The following TGFBR3 variants were observed in gnomAD, a reference collection of about 807,000 sequenced individuals.
The protein encoded by TGFBR3 is transforming growth factor beta receptor type 3.
Under a neutral mutation model 87.9 loss-of-function variants are expected in TGFBR3, and 46 were observed. The ratio of observed to expected loss-of-function variants is 0.52; its 90% confidence interval spans 0.41 to 0.67. The LOEUF (loss-of-function observed/expected upper bound fraction) is 0.67. Ranked by LOEUF, TGFBR3 falls within the 30% of genes least tolerant of loss-of-function variation. TGFBR3 has a pLI of 0.00. For missense variants in TGFBR3, 866 were observed against 1,041.9 expected (o/e 0.83, Z 2.32); for synonymous variants, 381 against 391.6 (o/e 0.97, Z 0.32).
chr1:91,681,152 C>T lies in TGFBR3; in HGVS notation c.*2587G>A, dbSNP rs1446178489. ...TACTTTTAAAGAAACTTGTAGTACA[C>T]GTTATAAAAGTAGAGCTTGTACTTT... is the stretch of plus-strand genomic sequence containing the variant. On this transcript the variant is annotated 3_prime_UTR_variant, in exon 17 of 17. Transcript: ENST00000212355. 8.8e-6 allele frequency: 4 copies of T among 453,922 alleles called. No homozygotes were observed. The highest frequency in any genetic ancestry group is 2.0e-5 in the African/African-American group (1 of 49,992). 28.1% of individuals were successfully genotyped at this position (453,922 alleles called of 1,614,324 possible). A position where few individuals can be genotyped will look rare whatever the true frequency, so the allele number is the denominator to read the frequency against.
At chr1:91,707,879 G>A (rs1429184786) in intron 14 of TGFBR3, among the ~76,000 whole-genome samples, 3 of 152,172 alleles carry the variant, frequency 2.0e-5, no homozygotes, top group African/African-American at 7.2e-5. Context: ...GAGCTGTGAT[G>A]CGGGTCCTTG....
At chr1:91,849,229 T>C (rs774721419) in intron 2 of TGFBR3, among the ~76,000 whole-genome samples, 17 of 152,154 alleles carry the variant, frequency 1.1e-4, no homozygotes, top group Non-Finnish European at 2.2e-4. Context: ...TCAGATCATA[T>C]CATTCTTCTG....
chr1:91,774,700 T>C lies in TGFBR3; in HGVS notation c.247-15950A>G, dbSNP rs148376261. Among the ~76,000 whole-genome samples, 148 of 152,300 alleles carry C rather than the reference T, an allele frequency of 9.7e-4. 1 individual carries two copies. The highest frequency in any genetic ancestry group is 3.4e-3 in the African/African-American group (142 of 41,556). ...TCATCACAATCGACTCATGCGGTGA[T>C]TGGGAATTCTTTCAGGGCAACAGGC... On this transcript the variant is annotated intron_variant, in intron 3 of 16. Transcript: ENST00000212355.
intron 2 of TGFBR3, among the ~76,000 whole-genome samples, chr1:91,897,772 T>G (rs916788925): frequency 3.9e-5 from 6 of 152,210 alleles, no homozygotes; most frequent in Non-Finnish European, 8.8e-5. Context: ...AGAACAAATC[T>G]TATTTATAAG....
chr1:91,867,634 C>T (rs1158142724), intron 1 of TGFBR3, among the ~76,000 whole-genome samples: 1 of 152,164 alleles, frequency 6.6e-6, no homozygotes, highest in African/African-American at 2.4e-5. Flanking sequence ...CTTTTTCACC[C>T]ACCCTTGCAA....
Position 91,837,118 on chromosome 1 carries a change from G to C in TGFBR3, c.61+24353C>G, listed in dbSNP as rs968891220. On this transcript the variant is annotated intron_variant, in intron 2 of 16. Transcript: ENST00000212355. Reference sequence around the variant, plus strand: ...GGGGATTCTTAATAGATTCTAGCTGGTACATTTTTAAGTCTGTATTTGTAA... The same window carrying C: ...GGGGATTCTTAATAGATTCTAGCTGCTACATTTTTAAGTCTGTATTTGTAA... Among the ~76,000 whole-genome samples the C allele has an allele frequency of 7.9e-5, 12 of 151,990 alleles. No homozygotes were observed. The East Asian group carries it at 2.3e-3, about 29-fold the overall frequency.
At chr1:91,868,171 G>C (rs1217314248) in intron 1 of TGFBR3, among the ~76,000 whole-genome samples, 1 of 152,184 alleles carries the variant, frequency 6.6e-6, no homozygotes, top group Non-Finnish European at 1.5e-5. Context: ...ACCCACCTCA[G>C]CCTCACAATG....
chr1:91,689,874 C>T (rs1265531791), intron 16 of TGFBR3, among the ~76,000 whole-genome samples: 6 of 143,192 alleles, frequency 4.2e-5, no homozygotes, highest in Admixed American at 1.4e-4. Flanking sequence ...AGCAAGGGTA[C>T]GACTTTGCAT....
intron 3 of TGFBR3, among the ~76,000 whole-genome samples, chr1:91,773,189 G>A (rs914721037): frequency 4.6e-5 from 7 of 151,916 alleles, no homozygotes; most frequent in African/African-American, 1.7e-4. Flanking sequence ...GACCAGCCTG[G>A]CCAACATAGT....
At position 91,801,331 on chromosome 1, in the gene TGFBR3, G is replaced by A. The variant is rs1001976619; in HGVS notation, c.62-3860C>T. Among the ~76,000 whole-genome samples, 9 of 152,238 alleles carry A rather than the reference G, an allele frequency of 5.9e-5. No homozygotes were observed. In the South Asian group the frequency reaches 1.5e-3, roughly 25 times the overall value. Reference sequence around the variant, plus strand: ...CAGGAGGCAGGGTCCTGAAGTGCCCGGCCTTGCAGTAATCAGGGCAAGAGA... The same window carrying A: ...CAGGAGGCAGGGTCCTGAAGTGCCCAGCCTTGCAGTAATCAGGGCAAGAGA... On this transcript the variant is annotated intron_variant, in intron 2 of 16. Transcript: ENST00000212355.
chr1:91,854,659 G>T (rs1677870967), intron 2 of TGFBR3, among the ~76,000 whole-genome samples: 1 of 152,150 alleles, frequency 6.6e-6, no homozygotes, highest in Non-Finnish European at 1.5e-5. Context: ...TAAAAAGCTT[G>T]ATTTACTCAC....
At chr1:91,695,204 G>A (rs11807260) in intron 16 of TGFBR3, among the ~76,000 whole-genome samples, 32,467 of 150,836 alleles carry the variant, frequency 0.22, 3,714 homozygotes, top group African/African-American at 0.28. Flanking sequence ...AGAAGACATA[G>A]CATGGGTTAA....
At chr1:91,786,889 G>A (rs1674991753) in intron 3 of TGFBR3, among the ~76,000 whole-genome samples, 1 of 152,218 alleles carries the variant, frequency 6.6e-6, no homozygotes, top group South Asian at 2.1e-4. Context: ...AACTGGCCTG[G>A]GAGGGTTCTT....
chr1:91,682,404 CTTTTTTT>C lies in TGFBR3; in HGVS notation c.*1328_*1334del, dbSNP rs59188054. 1.3e-4 allele frequency: 46 copies of C among 347,470 alleles called. No homozygotes were observed. The highest frequency in any genetic ancestry group is 2.2e-4 in the Non-Finnish European group (40 of 184,912). The allele number at this position is 347,470 out of a possible 1,614,324, so 21.5% of individuals were successfully genotyped here. On this transcript the variant is annotated 3_prime_UTR_variant, in exon 17 of 17. Transcript: ENST00000212355. ...AGCATGATAATTCCCCCCTGGCATT[CTTTTTTT>C]TTTTTTTTTTTTTTAACAAGGAGGT...
chr1:91,865,546 T>A (rs955193426), intron 1 of TGFBR3, among the ~76,000 whole-genome samples: 1 of 152,200 alleles, frequency 6.6e-6, no homozygotes, highest in Non-Finnish European at 1.5e-5. Context: ...CAAAGCAACA[T>A]GTTCCATTTA....
At chr1:91,836,886 C>T (rs955841392) in intron 2 of TGFBR3, among the ~76,000 whole-genome samples, 13 of 152,170 alleles carry the variant, frequency 8.5e-5, no homozygotes, top group Admixed American at 5.2e-4. Context: ...GTGATTATGA[C>T]AGAGCTGGCC....
chr1:91,695,152 T>C (rs961834993), intron 16 of TGFBR3, among the ~76,000 whole-genome samples: 4 of 150,602 alleles, frequency 2.7e-5, no homozygotes, highest in African/African-American at 9.8e-5. Flanking sequence ...ATTTAGAAAA[T>C]TTAACTTTAT....
At chr1:91,732,684 C>T (rs368133753) in intron 5 of TGFBR3, among the ~76,000 whole-genome samples, 3 of 152,132 alleles carry the variant, frequency 2.0e-5, no homozygotes, top group Admixed American at 6.5e-5. Flanking sequence ...CGGCATGGCC[C>T]GGTGACTCAT....
intron 4 of TGFBR3, among the ~76,000 whole-genome samples, chr1:91,745,105 T>C (rs1166920329): frequency 2.0e-5 from 3 of 152,184 alleles, no homozygotes; most frequent in Non-Finnish European, 4.4e-5. Context: ...CTATTCAGGT[T>C]ACAGGCCCTT....
Sources: allele counts gnomAD v4.1 joint callset (sites outside exome capture counted in the v4.1 genomes callset), GRCh38; gene constraint gnomAD v4.1.1; transcripts MANE v1.5; gene names NCBI Gene and HGNC (gene_info 2026-07-23, HGNC 2026-07-21).